CSMD1: variants seen among roughly 807,000 people sequenced by gnomAD.
The protein encoded by CSMD1 is CUB and sushi domain-containing protein 1.
In CSMD1, 213 loss-of-function variants were observed where a neutral mutation model predicts 417.5. That is an observed-to-expected ratio of 0.51 (90% confidence interval 0.46 to 0.57). The LOEUF is 0.57. CSMD1 is among the 20% of genes least tolerant of loss of function. The pLI is 0.00. For missense variants in CSMD1, 6,923 were observed against 4,529.7 expected, an observed-to-expected ratio of 1.53 and a Z score of -15.17; for synonymous variants, 2,862 against 1,736.8, an observed-to-expected ratio of 1.65 and a Z score of -16.11.
intron 3 of CSMD1, among the ~76,000 whole-genome samples, chr8:4,279,205 CT>C (rs1796647943): frequency 6.6e-6 from 1 of 151,462 alleles, no homozygotes; most frequent in African/African-American, 2.4e-5. Context: ...AGTATACACA[CT>C]AACACACACA....
At chr8:3,347,600 T>A (rs904538135) in intron 22 of CSMD1, among the ~76,000 whole-genome samples, 1 of 152,226 alleles carries the variant, frequency 6.6e-6, no homozygotes, top group Non-Finnish European at 1.5e-5. Flanking sequence ...CAACTTTTAA[T>A]AATTACAACT....
At chr8:4,680,805 C>G (rs1277150203) in intron 1 of CSMD1, among the ~76,000 whole-genome samples, 3 of 152,072 alleles carry the variant, frequency 2.0e-5, no homozygotes, top group African/African-American at 7.2e-5. Context: ...GTCTTGATCT[C>G]TTGACTTCAG....
At chr8:4,584,495 G>T (rs1408171967) in intron 2 of CSMD1, among the ~76,000 whole-genome samples, 1 of 151,436 alleles carries the variant, frequency 6.6e-6, no homozygotes, top group East Asian at 1.9e-4. Context: ...AGGCTTTCTG[G>T]GAAAGGGCTC....
At chr8:3,587,458 A>C (rs917716962) in intron 8 of CSMD1, among the ~76,000 whole-genome samples, 2 of 152,228 alleles carry the variant, frequency 1.3e-5, no homozygotes, top group Non-Finnish European at 2.9e-5. Flanking sequence ...AAAGAAGCAC[A>C]GTTGTCAGTG....
intron 11 of CSMD1, among the ~76,000 whole-genome samples, chr8:3,481,274 G>C (rs1014965827): frequency 1.3e-4 from 20 of 150,768 alleles, no homozygotes; most frequent in African/African-American, 4.6e-4. Context: ...TTTTACCTGT[G>C]TTTTCAAAAG....
chr8:3,162,070 A>G, intron 38 of CSMD1, 89 bp downstream of exon 38: 1 of 799,036 alleles, frequency 1.3e-6, no homozygotes, highest in African/African-American at 1.7e-5. Context: ...TGAGGAAAAC[A>G]TGGGTACAAA....
chr8:3,666,258 T>A (rs1798688881), intron 7 of CSMD1, among the ~76,000 whole-genome samples: 1 of 147,694 alleles, frequency 6.8e-6, no homozygotes, highest in Admixed American at 6.7e-5. Flanking sequence ...TTTCTATTCC[T>A]CACAGGTCTT....
chr8:4,697,764 G>C (rs553830627), intron 1 of CSMD1, among the ~76,000 whole-genome samples: 23 of 152,288 alleles, frequency 1.5e-4, no homozygotes, highest in Non-Finnish European at 3.1e-4. Context: ...TTACTCATTT[G>C]GCATTACAAA....
intron 5 of CSMD1, among the ~76,000 whole-genome samples, chr8:3,959,075 C>T (rs959337998): frequency 6.6e-5 from 10 of 152,200 alleles, no homozygotes; most frequent in Admixed American, 5.9e-4. Flanking sequence ...GTTTCTCAAG[C>T]TCAGCTCTTA....
At chr8:3,800,610 G>C (rs745845813) in intron 5 of CSMD1, among the ~76,000 whole-genome samples, 2 of 152,186 alleles carry the variant, frequency 1.3e-5, no homozygotes, top group East Asian at 1.9e-4. Flanking sequence ...CAATGTGTCA[G>C]TGTTGGGCCT....
chr8:4,065,808 C>T (rs1268775552), intron 3 of CSMD1, among the ~76,000 whole-genome samples: 3 of 152,162 alleles, frequency 2.0e-5, no homozygotes, highest in Non-Finnish European at 2.9e-5. Context: ...AACTGTACTG[C>T]TTGAGGAGTT....
At position 4,004,416 on chromosome 8, in the gene CSMD1, G is replaced by A. The variant is rs116881077; in HGVS notation, c.611-6306C>T. Among the ~76,000 whole-genome samples, 63 of 143,966 alleles carry A rather than the reference G, an allele frequency of 4.4e-4. No individual in the cohort carries two copies. In the Middle Eastern group the frequency reaches 0.015, roughly 34 times the overall value. 94.4% of individuals were successfully genotyped at this position (143,966 alleles called of 152,430 possible). On this transcript the variant is annotated intron_variant, in intron 4 of 69. Coordinates refer to ENST00000635120, the MANE Select transcript of CSMD1 (RefSeq NM_033225.6). ...TTTGTTTTAAAATAAATTCTGCCAT[G>A]AATCTTTTTTTTTTTTTTAAAGGAA...
intron 5 of CSMD1, among the ~76,000 whole-genome samples, chr8:3,860,279 T>G (rs1585102490): frequency 6.6e-6 from 1 of 152,166 alleles, no homozygotes. Flanking sequence ...CTGAGAACTC[T>G]GCCCTTGGGA....
rs113779079 is a variant in CSMD1, at chr8:4,028,296, T to C, written c.610+3609A>G. Among the ~76,000 whole-genome samples, 254 of 152,216 alleles carry C rather than the reference T, an allele frequency of 1.7e-3. 2 individuals carry two copies. The highest frequency in any genetic ancestry group is 6.1e-3 in the African/African-American group (252 of 41,540). ...AGCAAGTCACTTTTCCTACCTGAAG[T>C]CCAGATTCCCCACCTATAATATGAA... is the stretch of plus-strand genomic sequence containing the variant. On this transcript the variant is annotated intron_variant, in intron 4 of 69. Transcript: ENST00000635120.
chr8:3,033,451 T>C (rs148906447), intron 50 of CSMD1, among the ~76,000 whole-genome samples: 2 of 152,210 alleles, frequency 1.3e-5, no homozygotes, highest in Admixed American at 6.6e-5. Context: ...TCAAGACAAG[T>C]AGTGTTAAAA....
chr8:4,610,701 T>G (rs956060383), intron 2 of CSMD1, among the ~76,000 whole-genome samples: 3 of 152,178 alleles, frequency 2.0e-5, no homozygotes, highest in African/African-American at 7.2e-5. Flanking sequence ...AAAAGTAGGT[T>G]TTATGGTTGT....
chr8:3,786,482 CAGAT>C (rs1256476251), intron 5 of CSMD1, among the ~76,000 whole-genome samples: 5 of 152,102 alleles, frequency 3.3e-5, no homozygotes, highest in African/African-American at 1.2e-4. Context: ...GGAATGGTGA[CAGAT>C]AGTGTCAGAC....
intron 1 of CSMD1, among the ~76,000 whole-genome samples, chr8:4,833,917 C>G (rs941707282): frequency 3.9e-5 from 6 of 152,154 alleles, no homozygotes; most frequent in African/African-American, 1.4e-4. Flanking sequence ...GTGTTCACCA[C>G]CCACCTCCTT....
rs530324246 is a variant in CSMD1 at position 4,741,174 on chromosome 8, TGTAA to T, written c.86-103620_86-103617del. On this transcript the variant is annotated intron_variant, in intron 1 of 69. Coordinates refer to ENST00000635120, the MANE Select transcript of CSMD1 (RefSeq NM_033225.6). Reference sequence around the variant, plus strand: ...CTTTTTCAAGCACACTAGACACTTATGTAAGTGTCAGAGGCATTTCAACAGAAGA... The same window carrying T: ...CTTTTTCAAGCACACTAGACACTTATGTGTCAGAGGCATTTCAACAGAAGA... Among the ~76,000 whole-genome samples the T allele has an allele frequency of 7.9e-4, 120 of 152,294 alleles. 1 individual carries two copies. In the South Asian group the frequency reaches 0.023, roughly 29 times the overall value.
Sources: allele counts gnomAD v4.1 joint callset (sites outside exome capture counted in the v4.1 genomes callset), GRCh38; gene constraint gnomAD v4.1.1; transcripts MANE v1.5; gene names NCBI Gene and HGNC (gene_info 2026-07-23, HGNC 2026-07-21).